The following SLC15A1 variants were observed in gnomAD, a reference collection of about 807,000 sequenced individuals.
SLC15A1 encodes the protein solute carrier family 15 member 1.
Under a neutral mutation model 92.9 loss-of-function variants are expected in SLC15A1, and 83 were observed. That is an observed-to-expected ratio of 0.89 (90% CI 0.75 to 1.07). The LOEUF (loss-of-function observed/expected upper bound fraction) is 1.07. SLC15A1 is among the 50% of genes least tolerant of loss of function. SLC15A1 has a pLI of 0.00. For missense variants in SLC15A1, 857 were observed against 880.1 expected (o/e 0.97, Z 0.33); for synonymous variants, 322 against 318.2 (o/e 1.01, Z -0.13).
At chr13:98,701,866 G>C (rs1233763578) in intron 18 of SLC15A1, among the ~76,000 whole-genome samples, 1 of 151,634 alleles carries the variant, frequency 6.6e-6, no homozygotes, top group African/African-American at 2.4e-5. Context: ...TTAGATACAG[G>C]GTTTCACCAT....
chr13:98,724,004 G>A lies in SLC15A1; in HGVS notation c.273C>T (p.Tyr91=), dbSNP rs1488420817. The A allele has an allele frequency of 6.2e-7, 1 of 1,614,106 alleles. No individual in the cohort carries two copies. The highest frequency in any genetic ancestry group is 2.2e-5 in the East Asian group (1 of 44,876). The change falls in exon 5 of 23, where the codon TAC becomes TAT. Residue 91 remains tyrosine (Y), a synonymous_variant. Coordinates refer to ENST00000376503, the MANE Select transcript of SLC15A1 (RefSeq NM_005073.4). The part of the protein sequence containing the change: ...FKTIVSLSIV[Y]TIGQAVTSVS... ...CTGAGGTGACTGCTTGTCCAATTGT[G>A]TAGACAATGGAGAGCGACACAATGG...
At chr13:98,735,208 C>A (rs765566335) in intron 1 of SLC15A1, among the ~76,000 whole-genome samples, 2 of 152,160 alleles carry the variant, frequency 1.3e-5, no homozygotes, top group Admixed American at 1.3e-4. Flanking sequence ...AAACGTAATC[C>A]ATCACATAAA....
chr13:98,713,452 A>G (rs765673945), intron 9 of SLC15A1, among the ~76,000 whole-genome samples: 8 of 152,172 alleles, frequency 5.3e-5, no homozygotes, highest in Non-Finnish European at 7.3e-5. Flanking sequence ...AGATTTACAC[A>G]CTAAGTTGTT....
intron 16 of SLC15A1, 96 bp downstream of exon 16, chr13:98,706,038 G>A: frequency 1.5e-6 from 2 of 1,365,194 alleles, no homozygotes; most frequent in East Asian, 2.3e-5. Context: ...GGCTGGCCTT[G>A]GCATTTATAC....
intron 1 of SLC15A1, among the ~76,000 whole-genome samples, chr13:98,730,391 C>A (rs2088340697): frequency 6.6e-6 from 1 of 152,110 alleles, no homozygotes; most frequent in Non-Finnish European, 1.5e-5. Context: ...ACTCTTCCTG[C>A]CTATTAGAGT....
At chr13:98,722,172 G>A (rs2088265681) in intron 5 of SLC15A1, among the ~76,000 whole-genome samples, 2 of 152,116 alleles carry the variant, frequency 1.3e-5, no homozygotes, top group South Asian at 2.1e-4. Flanking sequence ...TTAGGTTTGG[G>A]GTTCTTTTGT....
rs1372548011 is a variant in SLC15A1 at position 98,706,010 on chromosome 13, A to T, written c.1269+124T>A. ...AGAATATAGCCAACATGAGATCAAGATCCTTAGTTCACTTCTGGGCTGGCC... is the reference window on the plus strand; with the variant it reads ...AGAATATAGCCAACATGAGATCAAGTTCCTTAGTTCACTTCTGGGCTGGCC... On this transcript the variant is annotated intron_variant, in intron 16 of 22. Transcript: ENST00000376503. 3 of 985,326 alleles carry T rather than the reference A, an allele frequency of 3.0e-6. No individual in the cohort carries two copies. The East Asian group carries it at 7.6e-5, about 25-fold the overall frequency. The allele number at this position is 985,326 out of a possible 1,614,324, so 61.0% of individuals were successfully genotyped here.
At chr13:98,689,445 G>C (rs780912389) in intron 18 of SLC15A1, among the ~76,000 whole-genome samples, 1 of 151,892 alleles carries the variant, frequency 6.6e-6, no homozygotes, top group Admixed American at 6.6e-5. Context: ...ACAAGAGACG[G>C]TTTTTTCAGT....
At position 98,688,469 on chromosome 13, in the gene SLC15A1, C is replaced by T. The variant is rs767575883; in HGVS notation, c.1574+1G>A. On this transcript the variant is annotated splice_donor_variant, in intron 19 of 22. Transcript: ENST00000376503. LOFTEE classifies it high-confidence loss of function. Reference sequence around the variant, plus strand: ...GTGAAGCATTCAGTCTCGGTACTTACATGCCAGAAGGAAAAAACTGGTATG... The same window carrying T: ...GTGAAGCATTCAGTCTCGGTACTTATATGCCAGAAGGAAAAAACTGGTATG... 1.9e-6 allele frequency: 3 copies of T among 1,613,356 alleles called. No homozygotes were observed. Among genetic ancestry groups the T allele is most frequent in the Non-Finnish European group, 1.7e-6 (2 of 1,179,400 alleles).
chr13:98,695,518 G>A (rs775004972), intron 18 of SLC15A1, among the ~76,000 whole-genome samples: 8 of 151,944 alleles, frequency 5.3e-5, no homozygotes, highest in Non-Finnish European at 8.8e-5. Flanking sequence ...TCAGCCTCCC[G>A]AGTAGTTGGG....
chr13:98,708,857 T>G, intron 14 of SLC15A1, 90 bp from the exon 15 acceptor site: 1 of 790,654 alleles, frequency 1.3e-6, no homozygotes, highest in Non-Finnish European at 1.8e-6. Flanking sequence ...CCAACAAAAC[T>G]AAATTCCTTC....
chr13:98,688,404 T>C, intron 19 of SLC15A1, 48 bp from the exon 20 acceptor site: 1 of 1,604,176 alleles, frequency 6.2e-7, no homozygotes, highest in Non-Finnish European at 8.5e-7. Flanking sequence ...GCATTAAAAA[T>C]TTCAATGCAT....
At chr13:98,702,367 G>C in intron 18 of SLC15A1, 113 bp downstream of exon 18, 1 of 800,984 alleles carries the variant, frequency 1.2e-6, no homozygotes, top group Admixed American at 2.0e-5. Context: ...TACATTGCTG[G>C]GACAAACCCT....
At chr13:98,737,355 T>C (rs1167827691) in intron 1 of SLC15A1, among the ~76,000 whole-genome samples, 1 of 151,890 alleles carries the variant, frequency 6.6e-6, no homozygotes, top group East Asian at 1.9e-4. Context: ...GAGTGGGGAG[T>C]TTGGGGAGGT....
chr13:98,699,750 G>C (rs2088052509), intron 18 of SLC15A1, among the ~76,000 whole-genome samples: 1 of 152,152 alleles, frequency 6.6e-6, no homozygotes, highest in Admixed American at 6.5e-5. Flanking sequence ...GGGAGTTCCA[G>C]GTGCCCCATA....
intron 1 of SLC15A1, among the ~76,000 whole-genome samples, chr13:98,734,505 T>A (rs2139603332): frequency 6.6e-6 from 1 of 152,000 alleles, no homozygotes; most frequent in South Asian, 2.1e-4. Context: ...GCACAAGGGG[T>A]CGGGTCAGGG....
Position 98,708,816 on chromosome 13 carries a change from G to A in SLC15A1, c.1068-49C>T, listed in dbSNP as rs1313597481. On this transcript the variant is annotated intron_variant, in intron 14 of 22. Transcript: ENST00000376503. Reference sequence around the variant, plus strand: ...CTCTCAACCAGTTTCACATAGATGAGCTAAGCTAAACCCCCACCCCCACCA... The same window carrying A: ...CTCTCAACCAGTTTCACATAGATGAACTAAGCTAAACCCCCACCCCCACCA... The A allele has an allele frequency of 5.5e-6, 8 of 1,456,070 alleles. No individual in the cohort carries two copies. In the South Asian group the frequency reaches 9.0e-5, roughly 16 times the overall value. The allele number at this position is 1,456,070 out of a possible 1,614,324, so 90.2% of individuals were successfully genotyped here.
intron 22 of SLC15A1, among the ~76,000 whole-genome samples, chr13:98,685,424 T>C (rs2087921897): frequency 6.6e-6 from 1 of 152,182 alleles, no homozygotes; most frequent in Non-Finnish European, 1.5e-5. Flanking sequence ...GAGGCAGACA[T>C]GCTACAGTGC....
chr13:98,732,044 T>C (rs1264737760), intron 1 of SLC15A1, among the ~76,000 whole-genome samples: 1 of 152,246 alleles, frequency 6.6e-6, no homozygotes, highest in Non-Finnish European at 1.5e-5. Context: ...GCATTTCTTA[T>C]CTTAATGTAC....
Sources: allele counts gnomAD v4.1 joint callset (sites outside exome capture counted in the v4.1 genomes callset), GRCh38; gene constraint gnomAD v4.1.1; transcripts MANE v1.5; gene names NCBI Gene and HGNC (gene_info 2026-07-23, HGNC 2026-07-21).